Variants in ANKRD30BL observed in about 807,000 individuals in gnomAD.
The protein encoded by ANKRD30BL is putative ankyrin repeat domain-containing protein 30B-like.
A neutral mutation model predicts 18.4 loss-of-function variants in ANKRD30BL; 20 were observed. The ratio of observed to expected loss-of-function variants is 1.09; its 90% CI spans 0.77 to 1.58. The LOEUF (loss-of-function observed/expected upper bound fraction) is 1.58. Among genes scored for constraint, ANKRD30BL ranks in the 40% most tolerant of loss-of-function variants. The pLI is 0.00. For missense variants in ANKRD30BL, 224 were observed against 268.6 expected (o/e 0.83, Z 1.16); for synonymous variants, 72 against 100.9 (o/e 0.71, Z 1.72).
At chr2:132,221,544 T>A (rs1351911839) in intron 1 of ANKRD30BL, among the ~76,000 whole-genome samples, 2 of 90,430 alleles carry the variant, frequency 2.2e-5, no homozygotes, top group Admixed American at 1.1e-4. Flanking sequence ...GGGAGGGAGG[T>A]GGGGGGGTCA....
intron 1 of ANKRD30BL, among the ~76,000 whole-genome samples, chr2:132,172,279 C>T (rs932030291): frequency 6.6e-6 from 1 of 152,124 alleles, no homozygotes; most frequent in Non-Finnish European, 1.5e-5. Context: ...CTATGTCTAA[C>T]TTTTGAGGAG....
chr2:132,235,140 C>G (rs368414907), intron 1 of ANKRD30BL, among the ~76,000 whole-genome samples: 1 of 152,166 alleles, frequency 6.6e-6, no homozygotes, highest in East Asian at 1.9e-4. Flanking sequence ...TTCAACAACA[C>G]TTCATGCTAA....
intron 1 of ANKRD30BL, among the ~76,000 whole-genome samples, chr2:132,203,737 G>A (rs1037717976): frequency 6.6e-6 from 1 of 151,888 alleles, no homozygotes; most frequent in Admixed American, 6.6e-5. Context: ...TAAAAATAAA[G>A]GAAAACCGAT....
chr2:132,257,932 G>C (rs772160620), exon 1 of ANKRD30BL: 1 of 153,876 alleles, frequency 6.5e-6, no homozygotes, highest in African/African-American at 2.4e-5. Flanking sequence ...GAGGCAGAAC[G>C]GTAGCCCCTC....
At chr2:132,194,443 G>T (rs2104740960) in intron 1 of ANKRD30BL, among the ~76,000 whole-genome samples, 2 of 152,338 alleles carry the variant, frequency 1.3e-5, no homozygotes, top group South Asian at 4.1e-4. Flanking sequence ...TTGTGCAGCA[G>T]TCATGTTTCC....
intron 1 of ANKRD30BL, among the ~76,000 whole-genome samples, chr2:132,232,447 G>A (rs181116964): frequency 6.6e-6 from 1 of 152,256 alleles, no homozygotes; most frequent in East Asian, 1.9e-4. Context: ...AAAAAATTTA[G>A]AAGCACGTAT....
chr2:132,182,364 C>T (rs1481762930), intron 1 of ANKRD30BL, among the ~76,000 whole-genome samples: 3 of 151,642 alleles, frequency 2.0e-5, no homozygotes, highest in South Asian at 2.1e-4. Context: ...TGCCTGTAGT[C>T]CCAGCTAATC....
At chr2:132,170,678 C>T (rs1321748473) in intron 1 of ANKRD30BL, among the ~76,000 whole-genome samples, 1 of 152,214 alleles carries the variant, frequency 6.6e-6, no homozygotes, top group East Asian at 1.9e-4. Flanking sequence ...CTACTAAGTC[C>T]TCCACCTGTT....
chr2:132,245,335 A>G (rs1573889006), intron 1 of ANKRD30BL, among the ~76,000 whole-genome samples: 1 of 150,752 alleles, frequency 6.6e-6, no homozygotes, highest in African/African-American at 2.4e-5. Context: ...TTCATCTCCT[A>G]GAGTTGAACA....
intron 1 of ANKRD30BL, among the ~76,000 whole-genome samples, chr2:132,232,264 A>G (rs2104784189): frequency 6.6e-6 from 1 of 152,344 alleles, no homozygotes; most frequent in Middle Eastern, 3.4e-3. Context: ...TGGAAACTCT[A>G]AAATGCAGAA....
chr2:132,179,655 A>T (rs1323932347), intron 1 of ANKRD30BL, among the ~76,000 whole-genome samples: 1 of 152,114 alleles, frequency 6.6e-6, no homozygotes, highest in Non-Finnish European at 1.5e-5. Flanking sequence ...CAGTAGAGCA[A>T]TTTCAGGCAG....
intron 1 of ANKRD30BL, among the ~76,000 whole-genome samples, chr2:132,224,966 G>C (rs1280653321): frequency 6.6e-6 from 1 of 152,008 alleles, no homozygotes; most frequent in Non-Finnish European, 1.5e-5. Flanking sequence ...GCCTATGGTG[G>C]AAAAGGAAAT....
At chr2:132,219,270 G>A (rs999824555) in intron 1 of ANKRD30BL, among the ~76,000 whole-genome samples, 7 of 151,344 alleles carry the variant, frequency 4.6e-5, no homozygotes, top group Non-Finnish European at 1.0e-4. Flanking sequence ...TCTGCAAGTG[G>A]ATATTTGGAC....
At chr2:132,174,814 A>G (rs1688333759) in intron 1 of ANKRD30BL, among the ~76,000 whole-genome samples, 1 of 152,206 alleles carries the variant, frequency 6.6e-6, no homozygotes, top group South Asian at 2.1e-4. Context: ...AAAATATTGT[A>G]AGACATCTGT....
intron 1 of ANKRD30BL, among the ~76,000 whole-genome samples, chr2:132,198,563 T>C (rs1207332082): frequency 6.6e-6 from 1 of 151,840 alleles, no homozygotes. Context: ...GACCTCGTGA[T>C]CTGCCCGCCT....
At chr2:132,194,268 G>A (rs1249975950) in intron 1 of ANKRD30BL, among the ~76,000 whole-genome samples, 1 of 152,218 alleles carries the variant, frequency 6.6e-6, no homozygotes, top group Non-Finnish European at 1.5e-5. Context: ...GAGCTGGTAT[G>A]AAGAACCTGT....
Position 132,234,512 on chromosome 2 carries a change from C to A in ANKRD30BL, n.441+23017G>T, listed in dbSNP as rs531929667. ...AAAAATGATAAAGGGGATATCACCACCGATCTCACAGAAATACAAACTACC... is the reference window on the plus strand; with the variant it reads ...AAAAATGATAAAGGGGATATCACCAACGATCTCACAGAAATACAAACTACC... On this transcript the variant is annotated intron_variant and non_coding_transcript_variant, in intron 1 of 4. Coordinates refer to the ANKRD30BL transcript ENST00000470729. Among the ~76,000 whole-genome samples, 658 of 152,118 alleles carry A rather than the reference C, an allele frequency of 4.3e-3. 6 individuals carry two copies. The highest frequency in any genetic ancestry group is 0.014 in the African/African-American group (601 of 41,482).
intron 1 of ANKRD30BL, among the ~76,000 whole-genome samples, chr2:132,224,082 G>A (rs552370991): frequency 1.7e-3 from 251 of 149,972 alleles, no homozygotes; most frequent in African/African-American, 5.5e-3. Flanking sequence ...TTTTAGAATC[G>A]GCAAGAGGAT....
intron 5 of ANKRD30BL, among the ~76,000 whole-genome samples, chr2:132,150,391 C>T (rs111371740): frequency 6.6e-6 from 1 of 151,610 alleles, no homozygotes; most frequent in East Asian, 1.9e-4. Flanking sequence ...TTAATTCCTA[C>T]TTTTCATTAT....
Sources: allele counts gnomAD v4.1 joint callset (sites outside exome capture counted in the v4.1 genomes callset), GRCh38; gene constraint gnomAD v4.1.1; transcripts MANE v1.5; gene names NCBI Gene and HGNC (gene_info 2026-07-23, HGNC 2026-07-21).